The following CATSPER4 variants were observed in gnomAD, a reference collection of about 807,000 sequenced individuals.
The protein encoded by CATSPER4 is cation channel sperm associated 4, also known as cation channel sperm-associated protein 4.
Under a neutral mutation model 54.4 loss-of-function variants are expected in CATSPER4, and 46 were observed. That is an observed-to-expected ratio of 0.84 (90% CI 0.67 to 1.08). The LOEUF is 1.08. Ranked by LOEUF, CATSPER4 falls within the 50% of genes least tolerant of loss-of-function variation. The pLI is 0.00. For missense variants in CATSPER4, 574 were observed against 612.8 expected (o/e 0.94, Z 0.67); for synonymous variants, 230 against 231.9 (o/e 0.99, Z 0.08).
intron 7 of CATSPER4, among the ~76,000 whole-genome samples, chr1:26,200,571 G>A (rs571705731): frequency 6.6e-6 from 1 of 151,004 alleles, no homozygotes; most frequent in East Asian, 1.9e-4. Flanking sequence ...TTGCTGGGTA[G>A]GGTTTATCAG....
At chr1:26,193,687 CG>C in intron 2 of CATSPER4, 99 bp from the exon 3 acceptor site, 1 of 793,536 alleles carries the variant, frequency 1.3e-6, no homozygotes, top group Non-Finnish European at 2.3e-6. Context: ...AGCAGTGATA[CG>C]GGACTTCCCT....
chr1:26,195,719 A>G lies in CATSPER4; in HGVS notation c.459+1831A>G, dbSNP rs181132371. Among the ~76,000 whole-genome samples the G allele has an allele frequency of 2.2e-4, 33 of 152,068 alleles. No homozygotes were observed. In the Middle Eastern group the frequency reaches 0.01, roughly 47 times the overall value. ...GGGTCTCACCGTGTTAGCCAGGATG[A>G]TCTTGATCTCCTGACCTCGTGATCC... On this transcript the variant is annotated intron_variant, in intron 3 of 9. Coordinates refer to ENST00000456354, the MANE Select transcript of CATSPER4 (RefSeq NM_198137.2).
Position 26,197,719 on chromosome 1 carries a change from T to C in CATSPER4, c.493T>C (p.Phe165Leu), listed in dbSNP as rs1243048223. ...GWNILNFIIV[F>L]ILLLRFFINE... is the part of the protein sequence containing the mutation. ...GAACATCCTCAACTTCATTATCGTC[T>C]TTATCTTGCTCTTGCGGTTCTTCAT... Residue 165 changes from phenylalanine (F) to leucine (L), a missense_variant, in exon 4 of 10, where the codon TTT (phenylalanine) becomes CTT (leucine). Phe to Leu is a conservative substitution (Grantham distance 22). Coordinates refer to ENST00000456354, the MANE Select transcript of CATSPER4 (RefSeq NM_198137.2). 1.2e-6 allele frequency: 2 copies of C among 1,613,894 alleles called. No homozygotes were observed. The highest frequency in any genetic ancestry group is 2.2e-5 in the South Asian group (2 of 91,068).
chr1:26,191,647 C>T (rs1002652489), intron 2 of CATSPER4, among the ~76,000 whole-genome samples: 3 of 152,114 alleles, frequency 2.0e-5, no homozygotes, highest in African/African-American at 4.8e-5. Context: ...TGGATTTGTA[C>T]AGGAGGGACA....
At chr1:26,193,689 G>A (rs899307777) in intron 2 of CATSPER4, 98 bp from the exon 3 acceptor site, 4 of 799,984 alleles carry the variant, frequency 5.0e-6, no homozygotes, top group Admixed American at 1.7e-5. Flanking sequence ...CAGTGATACG[G>A]GACTTCCCTC....
Position 26,201,386 on chromosome 1 carries a change from A to C in CATSPER4, c.1232A>C (p.Asn411Thr). The C allele has an allele frequency of 6.2e-7, 1 of 1,614,152 alleles. No individual in the cohort carries two copies. The highest frequency in any genetic ancestry group is 1.3e-5 in the African/African-American group (1 of 75,054). ...GAGGAGGTGCGCGCAATCCGCTTCA[A>C]CCAGGAGCAGGAGTCAGAGGTGTTG... is the stretch of plus-strand genomic sequence containing the variant. The part of the protein sequence containing the change: ...IVEEVRAIRF[N>T]QEQESEVLNR... The change falls in exon 9 of 10, where the codon AAC becomes ACC. Residue 411 changes from asparagine (N) to threonine (T), a missense_variant. Physicochemically the swap from Asn to Thr is moderately conservative, Grantham distance 65. Transcript: ENST00000456354.
intron 3 of CATSPER4, among the ~76,000 whole-genome samples, chr1:26,195,685 T>G (rs2088929650): frequency 6.6e-6 from 1 of 152,050 alleles, no homozygotes. Flanking sequence ...GTATTTTTAG[T>G]AGAGACGGGG....
At chr1:26,199,382 A>G (rs1295740251) in intron 6 of CATSPER4, among the ~76,000 whole-genome samples, 1 of 150,802 alleles carries the variant, frequency 6.6e-6, no homozygotes, top group Non-Finnish European at 1.5e-5. Context: ...CGGTGAACCC[A>G]TATCACGCCA....
Position 26,197,763 on chromosome 1 carries a change from C to T in CATSPER4, c.537C>T (p.Pro179=). The T allele has an allele frequency of 6.2e-7, 1 of 1,613,540 alleles. No homozygotes were observed. Among genetic ancestry groups the T allele is most frequent in the Non-Finnish European group, 8.5e-7 (1 of 1,179,498 alleles). Residue 179 remains proline, a synonymous_variant, in exon 4 of 10, where the codon CCC becomes CCT. Transcript: ENST00000456354. The part of the protein sequence containing the change: ...LRFFINEINI[P]SINYTLRALR... The stretch of plus-strand genomic sequence containing the variant: ...TCTTCATTAATGAAATCAATATTCC[C>T]TCCATCAACTACACTCTCAGGTGAG...
chr1:26,191,769 G>A (rs960634481), intron 2 of CATSPER4, among the ~76,000 whole-genome samples: 8 of 152,174 alleles, frequency 5.3e-5, no homozygotes, highest in Admixed American at 1.3e-4. Flanking sequence ...GGCACTGACT[G>A]TGCAGACTGC....
chr1:26,195,831 T>C (rs1340352905), intron 3 of CATSPER4, among the ~76,000 whole-genome samples: 2 of 152,198 alleles, frequency 1.3e-5, no homozygotes, highest in African/African-American at 4.8e-5. Flanking sequence ...TAAGCAGCTC[T>C]TGAGGGAACT....
chr1:26,195,970 C>T (rs2124525363), intron 3 of CATSPER4, among the ~76,000 whole-genome samples: 1 of 152,222 alleles, frequency 6.6e-6, no homozygotes, highest in East Asian at 1.9e-4. Flanking sequence ...ACTATAGCAG[C>T]CTCACAGTAT....
chr1:26,201,562 C>A (rs945722288), intron 9 of CATSPER4, 43 bp downstream of exon 9: 3 of 1,603,606 alleles, frequency 1.9e-6, no homozygotes, highest in Non-Finnish European at 2.6e-6. Flanking sequence ...CGCCCTGACA[C>A]TCTGCTCAGC....
intron 4 of CATSPER4, 60 bp downstream of exon 4, chr1:26,197,843 G>A (rs1469761048): frequency 4.4e-6 from 7 of 1,607,344 alleles, no homozygotes; most frequent in Non-Finnish European, 6.0e-6. Context: ...AATGAGATGG[G>A]GGGATAACGA....
chr1:26,201,332 G>A (rs749248364), intron 8 of CATSPER4, 22 bp from the exon 9 acceptor site: 21 of 1,613,126 alleles, frequency 1.3e-5, no homozygotes, highest in Middle Eastern at 3.6e-4. Context: ...CTTCTGAAAG[G>A]CACTCACTGC....
intron 5 of CATSPER4, 31 bp downstream of exon 5, chr1:26,198,108 C>G (rs1350768434): frequency 9.9e-6 from 16 of 1,614,200 alleles, no homozygotes; most frequent in African/African-American, 1.3e-5. Flanking sequence ...CCAGCTGTTT[C>G]CCTTCCCTGA....
At chr1:26,196,113 A>T (rs1170567353) in intron 3 of CATSPER4, among the ~76,000 whole-genome samples, 1 of 149,934 alleles carries the variant, frequency 6.7e-6, no homozygotes, top group Non-Finnish European at 1.5e-5. Flanking sequence ...ATATCAGTAC[A>T]TGGAGATCTT....
chr1:26,198,261 G>A (rs2124527692), intron 5 of CATSPER4, 25 bp from the exon 6 acceptor site: 1 of 1,614,196 alleles, frequency 6.2e-7, no homozygotes, highest in South Asian at 1.1e-5. Context: ...GTGAAGTCGG[G>A]GTGGGGCTCT....
chr1:26,196,934 T>TAGAG (rs2088947018), intron 3 of CATSPER4, among the ~76,000 whole-genome samples: 1 of 143,966 alleles, frequency 6.9e-6, no homozygotes, highest in African/African-American at 2.6e-5. Context: ...TTTTTTGAGA[T>TAGAG]TATCACTCTG....
Sources: gnomAD v4.1 joint callset for allele counts (sites outside exome capture counted in the v4.1 genomes callset) on GRCh38, gnomAD v4.1.1 for gene constraint, MANE v1.5 for transcripts, NCBI Gene and HGNC (gene_info 2026-07-23, HGNC 2026-07-21) for gene names.